Variants in SIPA1L1 observed in about 807,000 individuals in gnomAD.
SIPA1L1 encodes signal induced proliferation associated 1 like 1, also known as signal-induced proliferation-associated 1-like protein 1.
A neutral mutation model predicts 162.7 loss-of-function variants in SIPA1L1; 26 were observed. The observed-to-expected ratio is 0.16, with a 90% confidence interval of 0.12 to 0.22. The LOEUF (loss-of-function observed/expected upper bound fraction) is 0.22, where lower values mean the gene tolerates loss of function less well. Among genes scored for constraint, SIPA1L1 ranks in the 10% least tolerant of loss-of-function variants. The pLI, the probability that SIPA1L1 is intolerant of heterozygous loss-of-function variation, is 1.00. For missense variants in SIPA1L1, 1,874 were observed against 2,241.0 expected, an observed-to-expected ratio of 0.84 and a Z score of 3.31; for synonymous variants, 829 against 837.4, an observed-to-expected ratio of 0.99 and a Z score of 0.17.
chr14:71,477,128 C>G (rs866470610), intron 2 of SIPA1L1, among the ~76,000 whole-genome samples: 6 of 152,014 alleles, frequency 3.9e-5, no homozygotes, highest in Non-Finnish European at 5.9e-5. Context: ...GGTGCAATCT[C>G]AGCTACTCAG....
intron 10 of SIPA1L1, among the ~76,000 whole-genome samples, chr14:71,668,437 C>A (rs1044679283): frequency 1.3e-5 from 2 of 152,164 alleles, no homozygotes; most frequent in African/African-American, 2.4e-5. Context: ...GCTGCTCAAC[C>A]GGAGGTTCAT....
At chr14:71,709,705 T>G in intron 17 of SIPA1L1, 41 bp downstream of exon 17, 1 of 1,552,806 alleles carries the variant, frequency 6.4e-7, no homozygotes, top group East Asian at 2.2e-5. Flanking sequence ...AGCCCAGACC[T>G]AAGCCCAGTT....
chr14:71,584,054 C>T (rs901515837), intron 4 of SIPA1L1, among the ~76,000 whole-genome samples: 2 of 152,098 alleles, frequency 1.3e-5, no homozygotes, highest in Non-Finnish European at 2.9e-5. Context: ...CACATGCATC[C>T]TGATAGAAAT....
chr14:71,342,920 A>G (rs2035801923), intron 2 of SIPA1L1, among the ~76,000 whole-genome samples: 1 of 152,322 alleles, frequency 6.6e-6, no homozygotes, highest in East Asian at 1.9e-4. Flanking sequence ...ACGAAGATTA[A>G]TTTTAAAAAG....
At chr14:71,724,888 G>A (rs1191640602) in intron 19 of SIPA1L1, 53 bp downstream of exon 19, 7 of 1,512,428 alleles carry the variant, frequency 4.6e-6, no homozygotes, top group Middle Eastern at 3.4e-4. Flanking sequence ...CAGACATGAT[G>A]GGGCTATTAA....
chr14:71,559,668 T>A (rs958762858), intron 4 of SIPA1L1, among the ~76,000 whole-genome samples: 1 of 152,232 alleles, frequency 6.6e-6, no homozygotes, highest in Non-Finnish European at 1.5e-5. Context: ...GGTTCCTGAT[T>A]TATCATGAGT....
chr14:71,620,258 G>A (rs1240983541), intron 6 of SIPA1L1, among the ~76,000 whole-genome samples: 2 of 152,002 alleles, frequency 1.3e-5, no homozygotes, highest in Non-Finnish European at 2.9e-5. Context: ...TAGTAGAGAC[G>A]AGGTTTCTCC....
rs1472729966 is a variant in SIPA1L1 at position 71,623,755 on chromosome 14, C to T, written c.1630-293C>T. Among the ~76,000 whole-genome samples, 7 of 152,192 alleles carry T rather than the reference C, an allele frequency of 4.6e-5. No homozygotes were observed. In the East Asian group the frequency reaches 1.3e-3, roughly 29 times the overall value. On this transcript the variant is annotated intron_variant, in intron 6 of 23. Transcript: ENST00000381232. ...GGTATAGCCATATAGAGACCTTGAT[C>T]TTTACTGATCTCTTTAAGGAAATGT...
At chr14:71,590,566 A>G (rs1299341445) in intron 5 of SIPA1L1, among the ~76,000 whole-genome samples, 2 of 152,232 alleles carry the variant, frequency 1.3e-5, no homozygotes, top group Admixed American at 6.5e-5. Flanking sequence ...GTCCCATTCC[A>G]GAAGGCTTGT....
chr14:71,527,494 ACTG>A (rs1834775628), intron 3 of SIPA1L1, among the ~76,000 whole-genome samples: 1 of 152,100 alleles, frequency 6.6e-6, no homozygotes, highest in African/African-American at 2.4e-5. Flanking sequence ...GACATGAGCT[ACTG>A]TGCACAGCCC....
chr14:71,711,208 C>T (rs541979115), intron 17 of SIPA1L1, among the ~76,000 whole-genome samples: 21 of 152,250 alleles, frequency 1.4e-4, no homozygotes, highest in African/African-American at 3.6e-4. Flanking sequence ...CTATGTATTC[C>T]GTTCCACAAT....
At chr14:71,581,619 G>A (rs191254651) in intron 4 of SIPA1L1, among the ~76,000 whole-genome samples, 79 of 152,190 alleles carry the variant, frequency 5.2e-4, no homozygotes, top group Non-Finnish European at 1.0e-3. Flanking sequence ...AGTATTGGGT[G>A]AATAAGTTTT....
intron 7 of SIPA1L1, among the ~76,000 whole-genome samples, chr14:71,641,227 G>C (rs2041677500): frequency 7.0e-6 from 1 of 143,564 alleles, no homozygotes; most frequent in African/African-American, 2.6e-5. Context: ...ACTGATGAAA[G>C]ACAAGCATTA....
intron 16 of SIPA1L1, among the ~76,000 whole-genome samples, chr14:71,707,359 A>G (rs761828866): frequency 1.3e-5 from 2 of 152,196 alleles, no homozygotes; most frequent in Non-Finnish European, 1.5e-5. Context: ...ATACCATAGT[A>G]TTTACCCATT....
intron 13 of SIPA1L1, among the ~76,000 whole-genome samples, chr14:71,688,631 A>T (rs1235209948): frequency 6.6e-6 from 1 of 152,190 alleles, no homozygotes; most frequent in Non-Finnish European, 1.5e-5. Flanking sequence ...TACAGAAGTG[A>T]GGAGTACCGG....
intron 2 of SIPA1L1, among the ~76,000 whole-genome samples, chr14:71,477,021 G>A (rs1318883596): frequency 3.3e-5 from 5 of 152,098 alleles, no homozygotes; most frequent in African/African-American, 1.2e-4. Flanking sequence ...TTGGGAGGCC[G>A]AGGCAGGTGG....
intron 10 of SIPA1L1, among the ~76,000 whole-genome samples, chr14:71,666,392 A>G (rs1038833730): frequency 6.6e-6 from 1 of 152,222 alleles, no homozygotes; most frequent in Middle Eastern, 3.2e-3. Context: ...TTAAAGCTAA[A>G]TTAATTGCAA....
At chr14:71,417,569 A>G (rs940024653) in intron 2 of SIPA1L1, among the ~76,000 whole-genome samples, 10 of 146,822 alleles carry the variant, frequency 6.8e-5, no homozygotes, top group Admixed American at 2.1e-4. Context: ...AAAGGTCTTT[A>G]TCCTCATTGT....
chr14:71,516,002 GTTTAC>G (rs941234421), intron 3 of SIPA1L1, among the ~76,000 whole-genome samples: 12 of 152,300 alleles, frequency 7.9e-5, no homozygotes, highest in Admixed American at 4.6e-4. Context: ...AAATTTAACT[GTTTAC>G]TTTATGATGT....
Sources: gnomAD v4.1 joint callset for allele counts (sites outside exome capture counted in the v4.1 genomes callset) on GRCh38, gnomAD v4.1.1 for gene constraint, MANE v1.5 for transcripts, NCBI Gene and HGNC (gene_info 2026-07-23, HGNC 2026-07-21) for gene names.